ELANE: variants seen among roughly 807,000 people sequenced by gnomAD.
The protein encoded by ELANE is elastase, neutrophil expressed.
In ELANE, 12 loss-of-function variants were observed where a neutral mutation model predicts 20.6. The observed-to-expected ratio is 0.58, with a 90% CI of 0.37 to 0.94. ELANE has a LOEUF of 0.94. Among genes scored for constraint, ELANE ranks in the 40% least tolerant of loss-of-function variants. The probability of loss-of-function intolerance (pLI) is 0.01; values close to 1 mark genes in which losing one functional copy is unlikely to be tolerated. For synonymous variants in ELANE, 203 were observed against 177.4 expected, an observed-to-expected ratio of 1.14 and a Z score of -1.15; for missense variants, 388 against 395.2, an observed-to-expected ratio of 0.98 and a Z score of 0.15.
chr19:852,373 C>G lies in ELANE; in HGVS notation c.45C>G (p.Val15=), dbSNP rs1210157302. 6.2e-7 allele frequency: 1 copy of G among 1,611,660 alleles called. No individual in the cohort carries two copies. The highest frequency in any genetic ancestry group is 8.5e-7 in the Non-Finnish European group (1 of 1,179,940). ...RRLACLFLAC[V]LPALLLGGTA... ...TCGCGTGTCTTTTCCTCGCCTGTGT[C>G]CTGCCGGCCTTGCTGCTGGGGGGTG... The change falls in exon 1 of 5, where the codon GTC becomes GTG. Residue 15 remains valine, a synonymous_variant. Coordinates refer to ENST00000263621, the MANE Select transcript of ELANE (RefSeq NM_001972.4).
At chr19:852,750 G>A (rs1458950378) in intron 1 of ELANE, 126 bp from the exon 2 acceptor site, 4 of 1,316,352 alleles carry the variant, frequency 3.0e-6, no homozygotes, top group Non-Finnish European at 4.0e-6. Flanking sequence ...GGTTCCCGGT[G>A]GGGGATCCCG....
intron 1 of ELANE, 135 bp downstream of exon 1, chr19:852,530 A>G (rs1250042714): frequency 9.7e-7 from 1 of 1,036,008 alleles, no homozygotes; most frequent in African/African-American, 1.8e-5. Context: ...AGACCAGAAG[A>G]GACTGAGGTT....
chr19:852,339 G>A lies in ELANE; in HGVS notation c.11G>A (p.Gly4Asp). Residue 4 changes from glycine to aspartate, a missense_variant, in exon 1 of 5, where the codon GGC becomes GAC. Coordinates refer to ENST00000263621, the MANE Select transcript of ELANE (RefSeq NM_001972.4). ...AGCCCCAGCCCCACCATGACCCTCG[G>A]CCGCCGACTCGCGTGTCTTTTCCTC... Reference protein sequence around the residue: MTLGRRLACLFLAC... With the variant: MTLDRRLACLFLAC... 2.5e-6 allele frequency: 4 copies of A among 1,609,992 alleles called. No homozygotes were observed. The highest frequency in any genetic ancestry group is 2.5e-6 in the Non-Finnish European group (3 of 1,179,832).
In ELANE at chr19:855,070, G is replaced by A. The variant is rs893205827; in HGVS notation, c.367-494G>A. ...GGGTTTAACCATGTTAGCCAGGATG[G>A]TCTTGATCTCCTGACCTTTTGATTG... On this transcript the variant is annotated intron_variant, in intron 3 of 4. Coordinates refer to ENST00000263621, the MANE Select transcript of ELANE (RefSeq NM_001972.4). This position sits in a 1 kb window ranked among gnomAD's most constrained non-coding sequence, Gnocchi z 6.2. 5.9e-5 allele frequency among the ~76,000 whole-genome samples: 9 copies of A among 151,954 alleles called. No homozygotes were observed. Among genetic ancestry groups the A allele is most frequent in the Admixed American group, 5.9e-4 (9 of 15,226 alleles).
rs2145149259 is a variant in ELANE at position 855,871 on chromosome 19, C to T, written c.597+77C>T. ...CAGCAACAGGCACCGTGGCTAGACC[C>T]TAGGAGGGACTTCCCAACCCTGACA... On this transcript the variant is annotated intron_variant, in intron 4 of 4. Coordinates refer to ENST00000263621, the MANE Select transcript of ELANE (RefSeq NM_001972.4). This position sits in a 1 kb window ranked among gnomAD's most constrained non-coding sequence, Gnocchi z 6.2. 4.4e-6 allele frequency: 7 copies of T among 1,604,898 alleles called. No individual in the cohort carries two copies. Among genetic ancestry groups the T allele is most frequent in the Non-Finnish European group, 5.1e-6 (6 of 1,177,854 alleles).
chr19:853,979 A>G (rs1304294292), intron 3 of ELANE, among the ~76,000 whole-genome samples: 1 of 149,936 alleles, frequency 6.7e-6, no homozygotes, highest in Non-Finnish European at 1.5e-5. Flanking sequence ...TCAATCAACA[A>G]ACTTACTGAG....
chr19:853,219 C>G (rs764707430), intron 2 of ELANE, 43 bp from the exon 3 acceptor site: 1 of 1,550,314 alleles, frequency 6.5e-7, no homozygotes, highest in Admixed American at 1.9e-5. Flanking sequence ...TGAGCCCCGA[C>G]CCCCGGGGCC....
Position 855,442 on chromosome 19 carries a change from C to T in ELANE, c.367-122C>T. 8.9e-7 allele frequency: 1 copy of T among 1,120,760 alleles called. No homozygotes were observed. 69.4% of individuals were successfully genotyped at this position (1,120,760 alleles called of 1,614,324 possible). A position where few individuals can be genotyped will look rare whatever the true frequency, so the allele number is the denominator to read the frequency against. ...GGGGAGCAGAGTGTGGGGTGGGTAT[C>T]CTGCCCTGCAGGATCCCAGAACCAC... On this transcript the variant is annotated intron_variant, in intron 3 of 4. Coordinates refer to ENST00000263621, the MANE Select transcript of ELANE (RefSeq NM_001972.4). The surrounding 1 kb of genome is among the most constrained non-coding windows in gnomAD (Gnocchi z 6.2).
At chr19:854,899 G>A (rs1356160257) in intron 3 of ELANE, among the ~76,000 whole-genome samples, 1 of 150,656 alleles carries the variant, frequency 6.6e-6, no homozygotes, top group Non-Finnish European at 1.5e-5. Context: ...TGTCGCCCAG[G>A]CTGGAGCGCA....
At position 856,107 on chromosome 19, in the gene ELANE, C is replaced by T. The variant is rs201760292; in HGVS notation, c.747C>T (p.Ser249=). The stretch of plus-strand genomic sequence containing the variant: ...GGATCGACTCTATCATCCAACGCTC[C>T]GAGGACAACCCCTGTCCCCACCCCC... ...VNWIDSIIQR[S]EDNPCPHPRD... is the part of the protein sequence containing the mutation. The change falls in exon 5 of 5, where the codon TCC becomes TCT. Residue 249 remains serine, a synonymous_variant. Transcript: ENST00000263621. The T allele has an allele frequency of 6.8e-6, 11 of 1,613,178 alleles. No homozygotes were observed. The highest frequency in any genetic ancestry group is 3.3e-5 in the South Asian group (3 of 91,088).
rs2035674043 is a variant in ELANE, at chr19:855,981, C to G, written c.621C>G (p.Val207=). 1 of 1,613,248 alleles carries G rather than the reference C, an allele frequency of 6.2e-7. No homozygotes were observed. The highest frequency in any genetic ancestry group is 1.1e-5 in the South Asian group (1 of 91,092). Residue 207 remains valine, a synonymous_variant, in exon 5 of 5, where the codon GTC becomes GTG. Coordinates refer to ENST00000263621, the MANE Select transcript of ELANE (RefSeq NM_001972.4). The surrounding 1 kb of genome is among the most constrained non-coding windows in gnomAD (Gnocchi z 6.2). ...AGGGGGACTCCGGCAGCCCCTTGGTCTGCAACGGGCTAATCCACGGAATTG... is the reference window on the plus strand; with the variant it reads ...AGGGGGACTCCGGCAGCCCCTTGGTGTGCAACGGGCTAATCCACGGAATTG... ...VCFGDSGSPL[V]CNGLIHGIAS...
Position 855,825 on chromosome 19 carries a change from AC to A in ELANE, c.597+34del. 6.2e-7 allele frequency: 1 copy of A among 1,606,150 alleles called. No individual in the cohort carries two copies. On this transcript the variant is annotated intron_variant, in intron 4 of 4. Transcript: ENST00000263621. This position sits in a 1 kb window ranked among gnomAD's most constrained non-coding sequence, Gnocchi z 6.2. ...TGCCCTGGGTGTCCCTCTGCTCCCCACCCGCTCCCAGCCCGGACTGCAGCAA... is the reference window on the plus strand; with the variant it reads ...TGCCCTGGGTGTCCCTCTGCTCCCCACCGCTCCCAGCCCGGACTGCAGCAA...
intron 1 of ELANE, 25 bp downstream of exon 1, chr19:852,420 G>A (rs2035608287): frequency 1.2e-6 from 2 of 1,604,630 alleles, no homozygotes; most frequent in South Asian, 1.1e-5. Context: ...CCAACCTCCC[G>A]CTGCTCCCTC....
chr19:853,203 C>T (rs988374919), intron 2 of ELANE, 59 bp from the exon 3 acceptor site: 2 of 1,528,470 alleles, frequency 1.3e-6, no homozygotes, highest in Non-Finnish European at 1.8e-6. Flanking sequence ...GACGACAAGG[C>T]GCGGCTGAGC....
rs567800236 is a variant in ELANE at position 855,546 on chromosome 19, C to T, written c.367-18C>T. The stretch of plus-strand genomic sequence containing the variant: ...CTGCCCCGTGTGACGCGCTGACGAT[C>T]TGTCCCCACCGCCACAGCTCAACGG... On this transcript the variant is annotated intron_variant, in intron 3 of 4. Coordinates refer to ENST00000263621, the MANE Select transcript of ELANE (RefSeq NM_001972.4). This position sits in a 1 kb window ranked among gnomAD's most constrained non-coding sequence, Gnocchi z 6.2. 7 of 1,597,842 alleles carry T rather than the reference C, an allele frequency of 4.4e-6. No individual in the cohort carries two copies. Among genetic ancestry groups the T allele is most frequent in the Middle Eastern group, 1.7e-4 (1 of 6,056 alleles).
chr19:853,491 G>T, intron 3 of ELANE, 88 bp downstream of exon 3: 1 of 1,462,848 alleles, frequency 6.8e-7, no homozygotes, highest in Non-Finnish European at 9.3e-7. Flanking sequence ...CGTCGGGGCC[G>T]CTCGTGGGGA....
chr19:853,083 G>C, intron 2 of ELANE, 51 bp downstream of exon 2: 1 of 1,523,022 alleles, frequency 6.6e-7, no homozygotes, highest in Non-Finnish European at 8.8e-7. Context: ...GTCCCGGTCT[G>C]TGAGGTGGGT....
At position 856,152 on chromosome 19, in the gene ELANE, C is replaced by G; in HGVS notation, c.792C>G (p.Ser264Arg). Residue 264 changes from serine (S) to arginine (R), a missense_variant, in exon 5 of 5, where the codon AGC becomes AGG. Physicochemically the swap from Ser to Arg is moderately radical, Grantham distance 110 (BLOSUM62 -1). This residue lies in a region of ELANE where 321 missense variants were observed against 309.8 expected (regional missense o/e 1.04). Transcript: ENST00000263621. ...ACCCCCGGGACCCGGACCCGGCCAG[C>G]AGGACCCACTGAGAAGGGCTGCCCG... is the stretch of plus-strand genomic sequence containing the variant. ...CPHPRDPDPA[S>R]RTH is the part of the protein sequence containing the mutation. 6.2e-7 allele frequency: 1 copy of G among 1,612,926 alleles called. No individual in the cohort carries two copies.
At position 853,026 on chromosome 19, in the gene ELANE, C is replaced by T. The variant is rs2035618392; in HGVS notation, c.218C>T (p.Ala73Val). 1 of 1,561,576 alleles carries T rather than the reference C, an allele frequency of 6.4e-7. No homozygotes were observed. The highest frequency in any genetic ancestry group is 1.8e-5 in the Admixed American group (1 of 54,360). ...NFVMSAAHCV[A>V]NVNVRAVRVV... ...GTCATGTCGGCCGCGCACTGCGTGG[C>T]GAATGTGTGAGTAGCCGGGAGTGTG... The change falls in exon 2 of 5, where the codon GCG becomes GTG. Residue 73 changes from alanine to valine, a missense_variant. Coordinates refer to ENST00000263621, the MANE Select transcript of ELANE (RefSeq NM_001972.4).
Sources: allele counts gnomAD v4.1 joint callset (sites outside exome capture counted in the v4.1 genomes callset), GRCh38; gene constraint gnomAD v4.1.1; regional missense constraint gnomAD v4.1.1; non-coding constraint Gnocchi (gnomAD v3.1); transcripts MANE v1.5; gene names NCBI Gene and HGNC (gene_info 2026-07-23, HGNC 2026-07-21).